DPP8: variants seen among roughly 807,000 people sequenced by gnomAD.
DPP8 encodes dipeptidyl peptidase 8.
DPP8 carries 31 observed loss-of-function variants against 107.5 expected under a neutral mutation model. The observed-to-expected ratio is 0.29, with a 90% CI of 0.22 to 0.39. The LOEUF (loss-of-function observed/expected upper bound fraction) is 0.39. DPP8 is among the 10% of genes least tolerant of loss of function. DPP8 has a pLI of 1.00. For synonymous variants in DPP8, 381 were observed against 356.6 expected (o/e 1.07, Z -0.77); for missense variants, 842 against 1,076.1 (o/e 0.78, Z 3.04).
At chr15:65,508,529 A>G (rs937122379) in intron 2 of DPP8, among the ~76,000 whole-genome samples, 3 of 152,156 alleles carry the variant, frequency 2.0e-5, no homozygotes, top group African/African-American at 7.2e-5. Flanking sequence ...CAAAGAAAAC[A>G]TAAGGTAAAA....
chr15:65,466,940 A>T, intron 13 of DPP8, 127 bp from the exon 14 acceptor site: 1 of 1,421,030 alleles, frequency 7.0e-7, no homozygotes, highest in Non-Finnish European at 9.5e-7. Flanking sequence ...ACAATGTTGA[A>T]ATTAAGCTTT....
chr15:65,457,160 G>T (rs1213261962), intron 15 of DPP8, among the ~76,000 whole-genome samples: 11 of 152,236 alleles, frequency 7.2e-5, no homozygotes, highest in Non-Finnish European at 4.4e-5. Flanking sequence ...TTCGAGACCA[G>T]CCTGGCCAAC....
intron 2 of DPP8, 130 bp from the exon 3 acceptor site, chr15:65,507,485 A>T: frequency 1.8e-6 from 1 of 548,940 alleles, no homozygotes. Context: ...AATGAATGTT[A>T]ACAAGTAGAA....
intron 1 of DPP8, among the ~76,000 whole-genome samples, chr15:65,515,456 T>C (rs2071335233): frequency 6.6e-6 from 1 of 152,194 alleles, no homozygotes; most frequent in African/African-American, 2.4e-5. Flanking sequence ...ATACCTGATA[T>C]TATATAATAT....
At chr15:65,499,212 T>C (rs1392002726) in intron 4 of DPP8, among the ~76,000 whole-genome samples, 2 of 151,920 alleles carry the variant, frequency 1.3e-5, no homozygotes, top group African/African-American at 2.4e-5. Flanking sequence ...GAAGTGGGAA[T>C]TGATGCCCGT....
chr15:65,497,997 A>G lies in DPP8; in HGVS notation c.582T>C (p.Ser194=). The G allele has an allele frequency of 6.2e-7, 1 of 1,608,448 alleles. No homozygotes were observed. The highest frequency in any genetic ancestry group is 1.1e-5 in the South Asian group (1 of 89,806). Residue 194 remains serine (S), a synonymous_variant, in exon 5 of 20, where the codon AGT becomes AGC. Coordinates refer to ENST00000300141, the MANE Select transcript of DPP8 (RefSeq NM_130434.5). Reference sequence around the variant, plus strand: ...TTGGATCCATCCGTATGTTGGGACAACTAGTTTCCACTAGATTGGGCCTTA... The same window carrying G: ...TTGGATCCATCCGTATGTTGGGACAGCTAGTTTCCACTAGATTGGGCCTTA... ...QPLRPNLVET[S]CPNIRMDPKL...
intron 14 of DPP8, 55 bp downstream of exon 14, chr15:65,466,623 G>A: frequency 6.8e-7 from 1 of 1,472,852 alleles, no homozygotes; most frequent in Non-Finnish European, 9.5e-7. Flanking sequence ...CACACGTTTA[G>A]TGTACTAATA....
chr15:65,494,149 C>CTTTTTTTTTTTTTTTTTTTTTTTTTTTT (rs542314824), intron 5 of DPP8, among the ~76,000 whole-genome samples: 6 of 123,286 alleles, frequency 4.9e-5, no homozygotes, highest in African/African-American at 2.0e-4. Flanking sequence ...GTTCTATATC[C>CTTTTTTTTTTTTTTTTTTTTTTTTTTTT]TTTTTTTTTT....
intron 3 of DPP8, among the ~76,000 whole-genome samples, chr15:65,504,326 G>T (rs558189847): frequency 7.5e-4 from 107 of 142,848 alleles, no homozygotes; most frequent in African/African-American, 2.7e-3. Context: ...TCGTGCCATT[G>T]CACTCCAGCC....
chr15:65,508,222 A>C (rs939755144), intron 2 of DPP8, among the ~76,000 whole-genome samples: 1 of 150,998 alleles, frequency 6.6e-6, no homozygotes, highest in African/African-American at 2.5e-5. Context: ...CCTGGGCAAC[A>C]GAGCAAGACT....
intron 13 of DPP8, 49 bp downstream of exon 13, chr15:65,467,022 G>A (rs1288362273): frequency 6.2e-7 from 1 of 1,601,962 alleles, no homozygotes; most frequent in Non-Finnish European, 8.5e-7. Flanking sequence ...TATTACATAA[G>A]CAGAGAGTTT....
intron 8 of DPP8, among the ~76,000 whole-genome samples, chr15:65,483,390 T>C (rs910676865): frequency 6.6e-6 from 1 of 151,740 alleles, no homozygotes; most frequent in Admixed American, 6.6e-5. Flanking sequence ...GGCATGGTGG[T>C]GTGTGCCTGT....
intron 15 of DPP8, among the ~76,000 whole-genome samples, chr15:65,462,562 C>T (rs2065014100): frequency 6.6e-6 from 1 of 151,960 alleles, no homozygotes; most frequent in Non-Finnish European, 1.5e-5. Flanking sequence ...TAAAATTTAG[C>T]AATTAACCAA....
At chr15:65,486,208 C>T (rs1365054772) in intron 7 of DPP8, among the ~76,000 whole-genome samples, 2 of 150,902 alleles carry the variant, frequency 1.3e-5, no homozygotes, top group African/African-American at 4.9e-5. Flanking sequence ...TCGAGACCAG[C>T]CTGGCCAACA....
intron 3 of DPP8, among the ~76,000 whole-genome samples, chr15:65,501,549 T>A (rs1218550082): frequency 6.6e-6 from 1 of 152,228 alleles, no homozygotes; most frequent in East Asian, 1.9e-4. Context: ...ATCATCTATA[T>A]CAGCTTTGTG....
intron 19 of DPP8, among the ~76,000 whole-genome samples, chr15:65,449,690 G>A (rs1001542302): frequency 2.0e-5 from 3 of 151,860 alleles, no homozygotes; most frequent in Non-Finnish European, 4.4e-5. Flanking sequence ...GATTACAGGC[G>A]TGAGCCACTG....
intron 18 of DPP8, 97 bp downstream of exon 18, chr15:65,451,863 T>C: frequency 1.6e-6 from 2 of 1,266,502 alleles, no homozygotes; most frequent in Non-Finnish European, 2.1e-6. Context: ...AGTTTGACGC[T>C]GCAGGGAGCC....
At position 65,473,429 on chromosome 15, in the gene DPP8, A is replaced by G. The variant is rs79586914; in HGVS notation, c.1536+780T>C. ...AAGAAAACTGATAAATGTAGGGGCA[A>G]GTAGTAGATAGTTAGGTGTAGTAGG... On this transcript the variant is annotated intron_variant, in intron 12 of 19. Coordinates refer to ENST00000300141, the MANE Select transcript of DPP8 (RefSeq NM_130434.5). 3.1e-3 allele frequency among the ~76,000 whole-genome samples: 465 copies of G among 152,258 alleles called. 1 individual carries two copies. Among genetic ancestry groups the G allele is most frequent in the African/African-American group, 0.011 (448 of 41,562 alleles).
chr15:65,447,940 G>C (rs989725272), intron 19 of DPP8, among the ~76,000 whole-genome samples: 1 of 152,102 alleles, frequency 6.6e-6, no homozygotes, highest in Non-Finnish European at 1.5e-5. Flanking sequence ...ACAATAAAAG[G>C]AGTCAATATT....
Sources: gnomAD v4.1 joint callset for allele counts (sites outside exome capture counted in the v4.1 genomes callset) on GRCh38, gnomAD v4.1.1 for gene constraint, MANE v1.5 for transcripts, NCBI Gene and HGNC (gene_info 2026-07-23, HGNC 2026-07-21) for gene names.